RABL2A: variants seen among roughly 807,000 people sequenced by gnomAD.
RABL2A encodes the protein rab-like protein 2A.
RABL2A carries 17 observed loss-of-function variants against 30.7 expected under a neutral mutation model. The ratio of observed to expected loss-of-function variants is 0.55; its 90% CI spans 0.38 to 0.83. The LOEUF (loss-of-function observed/expected upper bound fraction) is 0.83, where lower values mean the gene tolerates loss of function less well. Ranked by LOEUF, RABL2A falls within the 40% of genes least tolerant of loss-of-function variation. RABL2A has a pLI of 0.00. For missense variants in RABL2A, 155 were observed against 272.6 expected (o/e 0.57, Z 3.04); for synonymous variants, 64 against 101.8 (o/e 0.63, Z 2.24).
chr2:113,634,543 C>A, intron 4 of RABL2A: 1 of 469,728 alleles, frequency 2.1e-6, no homozygotes, highest in Non-Finnish European at 3.9e-6. Context: ...TTCGACGAGG[C>A]AGTAGTTTTC....
intron 2 of RABL2A, among the ~76,000 whole-genome samples, 166 bp from the exon 3 acceptor site, chr2:113,632,749 G>A (rs537997627): frequency 6.6e-6 from 1 of 152,308 alleles, no homozygotes; most frequent in African/African-American, 2.4e-5. Context: ...GGTTGGTAAT[G>A]CTGATACCCA....
At chr2:113,640,753 T>G in intron 5 of RABL2A, 141 bp from the exon 6 acceptor site, 1 of 1,421,694 alleles carries the variant, frequency 7.0e-7, no homozygotes, top group Non-Finnish European at 9.6e-7. Context: ...GCCTCTGCGG[T>G]CAGAGAGGCT....
Position 113,638,498 on chromosome 2 carries a change from G to C in RABL2A, c.298-2396G>C, listed in dbSNP as rs1045438433. 2.1e-5 allele frequency: 21 copies of C among 985,334 alleles called. No individual in the cohort carries two copies. In the African/African-American group the frequency reaches 3.0e-4, roughly 14 times the overall value. 61.0% of individuals were successfully genotyped at this position (985,334 alleles called of 1,614,324 possible). A position where few individuals can be genotyped will look rare whatever the true frequency, so the allele number is the denominator to read the frequency against. On this transcript the variant is annotated intron_variant, in intron 5 of 8. Coordinates refer to ENST00000683472, the MANE Select transcript of RABL2A (RefSeq NM_001306158.2). ...AAGGGCATGAAGGCTCACTGTAGCA[G>C]CAGCTCAGTTGTCTTTCAGAGTTCT... is the stretch of plus-strand genomic sequence containing the variant.
intron 2 of RABL2A, among the ~76,000 whole-genome samples, chr2:113,630,694 G>T (rs1281745941): frequency 6.6e-6 from 1 of 151,494 alleles, no homozygotes; most frequent in Admixed American, 6.6e-5. Flanking sequence ...GGCTCTGTTG[G>T]TGGGCTCTGA....
chr2:113,630,517 G>C (rs907924914), intron 2 of RABL2A, among the ~76,000 whole-genome samples: 2 of 152,140 alleles, frequency 1.3e-5, no homozygotes, highest in African/African-American at 4.8e-5. Context: ...TCTGAAGGGC[G>C]TCAGTTGTAC....
chr2:113,642,906 A>G lies in RABL2A; in HGVS notation c.*777A>G, dbSNP rs977336682. ...CTCCCAAAGTGCTGGGATTACAGGC[A>G]TGAGCCACCGCGCCCGGCCCCAATC... On this transcript the variant is annotated 3_prime_UTR_variant, in exon 9 of 9. Coordinates refer to ENST00000683472, the MANE Select transcript of RABL2A (RefSeq NM_001306158.2). The G allele has an allele frequency of 6.1e-5, 19 of 313,466 alleles. No homozygotes were observed. The highest frequency in any genetic ancestry group is 4.7e-4 in the East Asian group (4 of 8,478). 19.4% of individuals were successfully genotyped at this position (313,466 alleles called of 1,614,324 possible). A position where few individuals can be genotyped will look rare whatever the true frequency, so the allele number is the denominator to read the frequency against.
chr2:113,632,092 A>G (rs1263926704), intron 2 of RABL2A, among the ~76,000 whole-genome samples: 1 of 152,242 alleles, frequency 6.6e-6, no homozygotes, highest in Admixed American at 6.5e-5. Context: ...GAGGGAAAAA[A>G]GGTTGCAATG....
chr2:113,641,169 A>C (rs944565087), intron 6 of RABL2A, 164 bp downstream of exon 6: 73 of 872,986 alleles, frequency 8.4e-5, no homozygotes, highest in Non-Finnish European at 2.6e-5. Flanking sequence ...CCTTATAAAG[A>C]AGCCAGCTAA....
rs1685281059 is a variant in RABL2A at position 113,641,762 on chromosome 2, A to G, written c.508-19A>G. ...AGAGTCCAAGGCACTCTCATCCACC[A>G]TCTCTACCTCACCCCCAGCTCTTCA... is the stretch of plus-strand genomic sequence containing the variant. On this transcript the variant is annotated intron_variant, in intron 7 of 8. Transcript: ENST00000683472. The G allele has an allele frequency of 1.5e-6, 1 of 677,314 alleles. No homozygotes were observed. The allele number at this position is 677,314 out of a possible 1,614,324, so 42.0% of individuals were successfully genotyped here. A position where few individuals can be genotyped will look rare whatever the true frequency, so the allele number is the denominator to read the frequency against.
chr2:113,632,393 T>G (rs793080), intron 2 of RABL2A, among the ~76,000 whole-genome samples: 1 of 152,162 alleles, frequency 6.6e-6, no homozygotes, highest in Non-Finnish European at 1.5e-5. Flanking sequence ...ACCAATAGAT[T>G]AAGCAGATTC....
chr2:113,628,478 G>C, intron 1 of RABL2A, 76 bp from the exon 2 acceptor site: 16 of 1,525,318 alleles, frequency 1.0e-5, no homozygotes. Flanking sequence ...GAAGCAGTCT[G>C]GATGGAGGTA....
At chr2:113,634,382 G>A (rs1258321213) in intron 4 of RABL2A, 150 bp downstream of exon 4, 7 of 924,434 alleles carry the variant, frequency 7.6e-6, no homozygotes, top group Non-Finnish European at 1.1e-5. Flanking sequence ...AACCCAGAGA[G>A]CCAGGAGCCA....
intron 5 of RABL2A, among the ~76,000 whole-genome samples, chr2:113,639,854 TAAA>T (rs1274429437): frequency 9.1e-6 from 1 of 110,114 alleles, no homozygotes; most frequent in Non-Finnish European, 1.8e-5. Context: ...AGACTCCGTC[TAAA>T]AAAAAAAAAA....
chr2:113,629,665 G>C (rs1679533746), intron 2 of RABL2A, among the ~76,000 whole-genome samples: 1 of 152,010 alleles, frequency 6.6e-6, no homozygotes, highest in South Asian at 2.1e-4. Context: ...CTTGCGAGTA[G>C]CTAGGACTAC....
chr2:113,639,195 G>A (rs2104790517), intron 5 of RABL2A, among the ~76,000 whole-genome samples: 1 of 152,262 alleles, frequency 6.6e-6, no homozygotes, highest in African/African-American at 2.4e-5. Flanking sequence ...GCTGAGGTAG[G>A]AGGATCACTG....
At chr2:113,630,722 C>A (rs1412108497) in intron 2 of RABL2A, among the ~76,000 whole-genome samples, 2 of 151,914 alleles carry the variant, frequency 1.3e-5, no homozygotes, top group African/African-American at 4.8e-5. Flanking sequence ...TCCCCTACCC[C>A]CTGTGAACAG....
Position 113,632,882 on chromosome 2 carries a change from G to A in RABL2A, c.108-33G>A, listed in dbSNP as rs768874215. 28 of 1,614,042 alleles carry A rather than the reference G, an allele frequency of 1.7e-5. No individual in the cohort carries two copies. In the South Asian group the frequency reaches 2.4e-4, roughly 14 times the overall value. ...TCTGGGACAAGGGAGAGATGGAGAC[G>A]CCATCTGACCACCTTGCCTGTTCTG... On this transcript the variant is annotated intron_variant, in intron 2 of 8. Coordinates refer to ENST00000683472, the MANE Select transcript of RABL2A (RefSeq NM_001306158.2).
In RABL2A at chr2:113,642,665, G is replaced by A. The variant is rs529092919; in HGVS notation, c.*536G>A. 1.8e-4 allele frequency: 36 copies of A among 203,628 alleles called. No homozygotes were observed. The highest frequency in any genetic ancestry group is 2.1e-3 in the Middle Eastern group (1 of 482). 12.6% of individuals were successfully genotyped at this position (203,628 alleles called of 1,614,324 possible). On this transcript the variant is annotated 3_prime_UTR_variant, in exon 9 of 9. Coordinates refer to ENST00000683472, the MANE Select transcript of RABL2A (RefSeq NM_001306158.2). ...TTTGTTTCTTTGTTCGTCCTGAGAC[G>A]GAGTCTCGCTCTGTCGCCAGGCTGG...
chr2:113,629,410 G>A (rs1168127345), intron 2 of RABL2A, among the ~76,000 whole-genome samples: 3 of 152,112 alleles, frequency 2.0e-5, no homozygotes, highest in African/African-American at 7.2e-5. Context: ...TTTGACTCAG[G>A]TAGCTGTGAA....
Sources: allele counts gnomAD v4.1 joint callset (sites outside exome capture counted in the v4.1 genomes callset), GRCh38; gene constraint gnomAD v4.1.1; transcripts MANE v1.5; gene names NCBI Gene and HGNC (gene_info 2026-07-23, HGNC 2026-07-21).